Variants in RNF111 observed in about 807,000 individuals in gnomAD.
The protein encoded by RNF111 is ring finger protein 111, also known as E3 ubiquitin-protein ligase Arkadia.
RNF111 carries 17 observed loss-of-function variants against 95.1 expected under a neutral mutation model. That is an observed-to-expected ratio of 0.18 (90% CI 0.12 to 0.27). The LOEUF (loss-of-function observed/expected upper bound fraction) is 0.27. Ranked by LOEUF, RNF111 falls within the 10% of genes least tolerant of loss-of-function variation. RNF111 has a pLI of 1.00. For missense variants in RNF111, 1,189 were observed against 1,210.4 expected, an observed-to-expected ratio of 0.98 and a Z score of 0.26; for synonymous variants, 440 against 414.8, an observed-to-expected ratio of 1.06 and a Z score of -0.74.
chr15:59,089,095 C>T (rs1403061381), intron 10 of RNF111, among the ~76,000 whole-genome samples: 13 of 151,976 alleles, frequency 8.6e-5, no homozygotes, highest in African/African-American at 3.1e-4. Flanking sequence ...TTTTTGCCAC[C>T]GGTCATATCC....
intron 5 of RNF111, among the ~76,000 whole-genome samples, chr15:59,062,101 G>C (rs1327411620): frequency 4.9e-5 from 7 of 143,650 alleles, no homozygotes; most frequent in Non-Finnish European, 9.0e-5. Context: ...TTGTCACGTA[G>C]GCTAGAGTGC....
chr15:59,035,637 T>C (rs184433858), intron 2 of RNF111, among the ~76,000 whole-genome samples: 82 of 152,346 alleles, frequency 5.4e-4, no homozygotes, highest in African/African-American at 1.9e-3. Flanking sequence ...AATGGTTTGC[T>C]CTTAGAAATT....
At chr15:59,072,945 T>C (rs1026455734) in intron 6 of RNF111, among the ~76,000 whole-genome samples, 3 of 151,524 alleles carry the variant, frequency 2.0e-5, no homozygotes, top group African/African-American at 7.3e-5. Flanking sequence ...CCCAACACTT[T>C]GTGGGGCTGA....
intron 11 of RNF111, among the ~76,000 whole-genome samples, chr15:59,090,682 GTAATTTA>G (rs1415764318): frequency 1.5e-4 from 23 of 152,296 alleles, no homozygotes; most frequent in Admixed American, 1.3e-3. Flanking sequence ...TAATATTGTT[GTAATTTA>G]TAAAGATAAC....
At chr15:59,067,177 CCTGT>C (rs1322742404) in intron 6 of RNF111, 94 bp downstream of exon 6, 8 of 1,064,518 alleles carry the variant, frequency 7.5e-6, no homozygotes, top group South Asian at 1.5e-5. Flanking sequence ...TTCCTTCATT[CCTGT>C]CTCTCTCCCT....
intron 2 of RNF111, among the ~76,000 whole-genome samples, chr15:59,039,283 A>G (rs913836057): frequency 1.3e-4 from 20 of 151,988 alleles, no homozygotes; most frequent in East Asian, 9.7e-4. Context: ...TAATTCTATC[A>G]TTTTGCTTAG....
chr15:58,996,499 T>G (rs989889993), intron 1 of RNF111, among the ~76,000 whole-genome samples: 22 of 151,876 alleles, frequency 1.4e-4, no homozygotes, highest in African/African-American at 4.6e-4. Flanking sequence ...GAGAATCGCT[T>G]GAACCTGGGA....
At chr15:59,021,073 C>T (rs749452163) in intron 1 of RNF111, among the ~76,000 whole-genome samples, 20 of 152,038 alleles carry the variant, frequency 1.3e-4, no homozygotes, top group Non-Finnish European at 2.2e-4. Context: ...CCTCACTTTC[C>T]ACCCTTTCCC....
At chr15:59,058,611 A>G in intron 5 of RNF111, 61 bp downstream of exon 5, 5 of 1,440,516 alleles carry the variant, frequency 3.5e-6, no homozygotes, top group South Asian at 2.3e-5. Flanking sequence ...GAAAAGTATT[A>G]TTGTTTTTAA....
intron 8 of RNF111, among the ~76,000 whole-genome samples, chr15:59,083,137 G>T (rs1366632185): frequency 1.5e-5 from 2 of 130,292 alleles, no homozygotes; most frequent in African/African-American, 6.9e-5. Flanking sequence ...GCAAGATTCT[G>T]CCGCTTAAAA....
chr15:58,999,000 G>A (rs1015762878), intron 1 of RNF111, among the ~76,000 whole-genome samples: 5 of 152,060 alleles, frequency 3.3e-5, no homozygotes, highest in African/African-American at 9.7e-5. Context: ...TCATTGATAT[G>A]GTTTCAAATT....
intron 12 of RNF111, 128 bp from the exon 13 acceptor site, chr15:59,092,409 C>A: frequency 4.4e-6 from 4 of 909,274 alleles, no homozygotes; most frequent in Non-Finnish European, 6.2e-6. Context: ...GACAGTCTTA[C>A]CTGGGAAAAA....
At chr15:59,048,507 A>G (rs1476003181) in intron 2 of RNF111, among the ~76,000 whole-genome samples, 2 of 152,176 alleles carry the variant, frequency 1.3e-5, no homozygotes, top group African/African-American at 4.8e-5. Flanking sequence ...GTTATTGGAA[A>G]TGTTCTTAAA....
At chr15:58,993,116 G>T (rs545185125) in intron 1 of RNF111, among the ~76,000 whole-genome samples, 1 of 152,112 alleles carries the variant, frequency 6.6e-6, no homozygotes, top group Non-Finnish European at 1.5e-5. Context: ...GTTGCAGTGA[G>T]CCAAGATTGC....
chr15:58,999,584 C>T (rs1397907982), intron 1 of RNF111, among the ~76,000 whole-genome samples: 1 of 152,180 alleles, frequency 6.6e-6, no homozygotes, highest in Non-Finnish European at 1.5e-5. Flanking sequence ...GATCCGCCCA[C>T]CTCAGCCTCC....
intron 1 of RNF111, among the ~76,000 whole-genome samples, chr15:59,001,821 A>G (rs1381152985): frequency 6.6e-6 from 1 of 152,198 alleles, no homozygotes; most frequent in Non-Finnish European, 1.5e-5. Flanking sequence ...TCCATGAGGG[A>G]TACAGTCCAA....
chr15:59,000,276 ACTT>A (rs2039267552), intron 1 of RNF111, among the ~76,000 whole-genome samples: 1 of 146,748 alleles, frequency 6.8e-6, no homozygotes, highest in Non-Finnish European at 1.5e-5. Flanking sequence ...CAGTCCTCCC[ACTT>A]CAGCCTCCCA....
In RNF111 at chr15:59,092,447, T is replaced by G; in HGVS notation, c.2740-90T>G. 6 of 1,380,296 alleles carry G rather than the reference T, an allele frequency of 4.3e-6. No homozygotes were observed. In the South Asian group the frequency reaches 1.0e-4, roughly 24 times the overall value. 85.5% of individuals were successfully genotyped at this position (1,380,296 alleles called of 1,614,324 possible). On this transcript the variant is annotated intron_variant, in intron 12 of 13. Transcript: ENST00000348370. ...TGCGGGTGAATATGTGGTTTTGTTT[T>G]GTTTTGTTTTTCAAATAAACACAGA...
intron 12 of RNF111, 122 bp from the exon 13 acceptor site, chr15:59,092,415 A>C: frequency 9.6e-7 from 1 of 1,038,838 alleles, no homozygotes; most frequent in Non-Finnish European, 1.3e-6. Context: ...CTTACCTGGG[A>C]AAAAAGTGCG....
Sources: allele counts gnomAD v4.1 joint callset (sites outside exome capture counted in the v4.1 genomes callset), GRCh38; gene constraint gnomAD v4.1.1; transcripts MANE v1.5; gene names NCBI Gene and HGNC (gene_info 2026-07-23, HGNC 2026-07-21).